Variants in BEND2 observed in about 807,000 individuals in gnomAD.
BEND2 encodes the protein BEN domain-containing protein 2.
In BEND2, 19 loss-of-function variants were observed where a neutral mutation model predicts 43.8. The observed-to-expected ratio is 0.43, with a 90% CI of 0.30 to 0.64. The LOEUF (loss-of-function observed/expected upper bound fraction) is 0.64, where lower values mean the gene tolerates loss of function less well. Among genes scored for constraint, BEND2 ranks in the 30% least tolerant of loss-of-function variants. The probability of loss-of-function intolerance (pLI) is 0.11; values close to 1 mark genes in which losing one functional copy is unlikely to be tolerated. For missense variants in BEND2, 544 were observed against 574.0 expected (o/e 0.95, Z 0.53); for synonymous variants, 226 against 210.1 (o/e 1.08, Z -0.66).
At chrX:18,194,635 T>C (rs1269679940) in intron 7 of BEND2, among the ~76,000 whole-genome samples, 1 of 111,946 alleles carries the variant, frequency 8.9e-6, no homozygotes, top group African/African-American at 3.2e-5. Flanking sequence ...AAACATAGTA[T>C]ATCCAGACAT....
At chrX:18,197,608 G>A (rs1238309488) in intron 6 of BEND2, among the ~76,000 whole-genome samples, 3 of 111,227 alleles carry the variant, frequency 2.7e-5, no homozygotes, top group Middle Eastern at 4.7e-3. Context: ...GCCATTTCCC[G>A]AAGAAATTGG....
In BEND2 at chrX:18,191,124, T is replaced by C. The variant is rs1924758158; in HGVS notation, c.1181-16A>G. Reference sequence around the variant, plus strand: ...GGGCCAGATTCTGTTTTGAACAACATTTCAATATGTAAAACATTTTGCAGT... The same window carrying C: ...GGGCCAGATTCTGTTTTGAACAACACTTCAATATGTAAAACATTTTGCAGT... On this transcript the variant is annotated splice_polypyrimidine_tract_variant and intron_variant, in intron 7 of 13. Transcript: ENST00000380033. The C allele has an allele frequency of 3.5e-6, 4 of 1,144,489 alleles. No homozygotes were observed. The highest frequency in any genetic ancestry group is 3.6e-6 in the Non-Finnish European group (3 of 844,087). 94.3% of individuals were successfully genotyped at this position (1,144,489 alleles called of 1,213,427 possible).
chrX:18,189,567 A>G (rs979195635), intron 8 of BEND2, among the ~76,000 whole-genome samples: 2 of 111,492 alleles, frequency 1.8e-5, no homozygotes, highest in African/African-American at 6.5e-5. Context: ...GGTTCAACAT[A>G]CACAAATTAA....
chrX:18,201,256 C>T (rs1264890600), intron 6 of BEND2, among the ~76,000 whole-genome samples: 5 of 106,185 alleles, frequency 4.7e-5, no homozygotes, highest in Admixed American at 1.0e-4. Flanking sequence ...ATTAGCCAGG[C>T]GTGGTGGTGC....
chrX:18,197,451 A>T (rs1924992527), intron 6 of BEND2, among the ~76,000 whole-genome samples: 1 of 111,850 alleles, frequency 8.9e-6, no homozygotes, highest in Non-Finnish European at 1.9e-5. Context: ...TAAAAATAAA[A>T]GTTTAATTTC....
chrX:18,191,224 A>G (rs1223585996), intron 7 of BEND2, 116 bp from the exon 8 acceptor site: 1 of 528,819 alleles, frequency 1.9e-6, no homozygotes, highest in African/African-American at 2.4e-5. Context: ...AGAAAAATAA[A>G]GACATTCTCA....
intron 12 of BEND2, among the ~76,000 whole-genome samples, chrX:18,172,451 G>A (rs1924003461): frequency 9.0e-6 from 1 of 111,371 alleles, no homozygotes; most frequent in Admixed American, 9.6e-5. Context: ...CAGCACTTTG[G>A]GAGGCTGAGG....
chrX:18,212,551 A>G lies in BEND2; in HGVS notation c.492+14T>C. The stretch of plus-strand genomic sequence containing the variant: ...GAGAGATTTTCACTTTAATAAACAA[A>G]CCATAATATCTACCTCTGGAGTATA... On this transcript the variant is annotated intron_variant, in intron 4 of 13. Transcript: ENST00000380033. The G allele has an allele frequency of 1.9e-6, 2 of 1,070,174 alleles. No individual in the cohort carries two copies. The highest frequency in any genetic ancestry group is 6.1e-5 in the East Asian group (2 of 33,056). The allele number at this position is 1,070,174 out of a possible 1,213,427, so 88.2% of individuals were successfully genotyped here.
Position 18,195,310 on chromosome X carries a change from A to T in BEND2, c.1166T>A (p.Ile389Asn). The change falls in exon 7 of 14, where the codon ATC becomes AAC. Residue 389 changes from isoleucine to asparagine, a missense_variant. Physicochemically the swap from Ile to Asn is moderately radical, Grantham distance 149 (BLOSUM62 -3). This residue lies in a region of BEND2 where 501 missense variants were observed against 501.6 expected (regional missense o/e 1.00). Coordinates refer to ENST00000380033, the MANE Select transcript of BEND2 (RefSeq NM_153346.5). ...TTCAAACTCACCAAAATTAGAAGTG[A>T]TGGGAAGATATGAAGAGGCTGGATA... Reference protein sequence around the residue: ...APYPASSYLPITSNFESGPQM... With the variant: ...APYPASSYLPNTSNFESGPQM... 1 of 1,206,988 alleles carries T rather than the reference A, an allele frequency of 8.3e-7. No homozygotes were observed. The highest frequency in any genetic ancestry group is 1.1e-6 in the Non-Finnish European group (1 of 893,534).
At chrX:18,189,200 A>G (rs1409483507) in intron 8 of BEND2, among the ~76,000 whole-genome samples, 4 of 20,858 alleles carry the variant, frequency 1.9e-4, no homozygotes, top group Non-Finnish European at 4.2e-4. Flanking sequence ...AATCCATCTC[A>G]AAAAAAAAAA....
chrX:18,166,224 T>C (rs1224568693), intron 13 of BEND2, among the ~76,000 whole-genome samples: 1 of 111,956 alleles, frequency 8.9e-6, no homozygotes, highest in Non-Finnish European at 1.9e-5. Context: ...GGAGGGATAA[T>C]TACCACACTG....
chrX:18,212,430 A>G (rs928448724), intron 4 of BEND2, 135 bp downstream of exon 4: 7 of 458,264 alleles, frequency 1.5e-5, no homozygotes, highest in Admixed American at 7.4e-5. Flanking sequence ...GGGTGTAAGT[A>G]TACACATTTA....
chrX:18,196,706 A>T (rs1474078541), intron 6 of BEND2, among the ~76,000 whole-genome samples: 1 of 110,272 alleles, frequency 9.1e-6, no homozygotes, highest in African/African-American at 3.3e-5. Context: ...AAAAAAAAAA[A>T]AAAAACCTAC....
chrX:18,191,991 T>C (rs1358115915), intron 7 of BEND2, among the ~76,000 whole-genome samples: 1 of 112,234 alleles, frequency 8.9e-6, no homozygotes, highest in Non-Finnish European at 1.9e-5. Context: ...AAAACTTTAA[T>C]TGGAAAAAGC....
chrX:18,197,391 A>G lies in BEND2; in HGVS notation c.1034-1949T>C, dbSNP rs182341759. ...AGAGGTTGCAGTGAGCCAAGACCAC[A>G]CCACTGCACTCCAGCCTGGGTGACA... On this transcript the variant is annotated intron_variant, in intron 6 of 13. Coordinates refer to ENST00000380033, the MANE Select transcript of BEND2 (RefSeq NM_153346.5). Among the ~76,000 whole-genome samples the G allele has an allele frequency of 3.6e-5, 4 of 111,720 alleles. No homozygotes were observed. The East Asian group carries it at 1.1e-3, about 32-fold the overall frequency.
chrX:18,207,178 C>T (rs1291143931), intron 4 of BEND2, among the ~76,000 whole-genome samples: 5 of 112,042 alleles, frequency 4.5e-5, no homozygotes, highest in Admixed American at 1.9e-4. Context: ...GGAAGCACTC[C>T]GCTTCTGTTC....
chrX:18,208,791 T>C (rs975100081), intron 4 of BEND2, among the ~76,000 whole-genome samples: 3 of 111,479 alleles, frequency 2.7e-5, no homozygotes, highest in African/African-American at 9.8e-5. Context: ...TAGATGTATG[T>C]GTGTGCATGG....
chrX:18,173,154 C>T (rs891128914), intron 12 of BEND2, among the ~76,000 whole-genome samples: 4 of 111,175 alleles, frequency 3.6e-5, no homozygotes, highest in African/African-American at 1.3e-4. Context: ...CCTGTCCCCT[C>T]GTTATAGCTG....
chrX:18,200,044 G>T, intron 6 of BEND2, among the ~76,000 whole-genome samples: 1 of 111,450 alleles, frequency 9.0e-6, no homozygotes, highest in Non-Finnish European at 1.9e-5. Context: ...TCATGACAGA[G>T]AAATGAAAAC....
Sources: allele counts gnomAD v4.1 joint callset (sites outside exome capture counted in the v4.1 genomes callset), GRCh38; gene constraint gnomAD v4.1.1; regional missense constraint gnomAD v4.1.1; transcripts MANE v1.5; gene names NCBI Gene and HGNC (gene_info 2026-07-23, HGNC 2026-07-21).